The following ARHGAP10 variants were observed in gnomAD, a reference collection of about 807,000 sequenced individuals.
ARHGAP10 encodes Rho GTPase activating protein 10, also known as rho GTPase-activating protein 10.
ARHGAP10 carries 87 observed loss-of-function variants against 108.6 expected under a neutral mutation model. That is an observed-to-expected ratio of 0.80 (90% CI 0.67 to 0.96). The LOEUF (loss-of-function observed/expected upper bound fraction) is 0.96, where lower values mean the gene tolerates loss of function less well. Ranked by LOEUF, ARHGAP10 falls within the 40% of genes least tolerant of loss-of-function variation. ARHGAP10 has a pLI of 0.00. For missense variants in ARHGAP10, 939 were observed against 954.5 expected, an observed-to-expected ratio of 0.98 and a Z score of 0.21; for synonymous variants, 347 against 341.1, an observed-to-expected ratio of 1.02 and a Z score of -0.19.
intron 19 of ARHGAP10, among the ~76,000 whole-genome samples, chr4:148,026,637 A>T (rs1727869308): frequency 6.6e-6 from 1 of 152,178 alleles, no homozygotes; most frequent in Admixed American, 6.5e-5. Flanking sequence ...ACTAAAATGG[A>T]TATAGTATCT....
In ARHGAP10 at chr4:147,758,929, A is replaced by C. The variant is rs1279495248; in HGVS notation, c.154+26474A>C. ...GGGAGGAGGAGGTTGCGGTGAGCAG[A>C]GATCGTGCCACTGCACTCCGGTCTG... On this transcript the variant is annotated intron_variant, in intron 1 of 22. Transcript: ENST00000336498. Among the ~76,000 whole-genome samples the C allele has an allele frequency of 8.0e-5, 12 of 149,642 alleles. No homozygotes were observed. The Admixed American group carries it at 8.1e-4, about 10-fold the overall frequency.
chr4:147,886,466 T>A (rs1335898046), intron 10 of ARHGAP10, among the ~76,000 whole-genome samples: 2 of 152,222 alleles, frequency 1.3e-5, no homozygotes. Context: ...TCTTTCCTAA[T>A]AAGTACCCTT....
intron 1 of ARHGAP10, among the ~76,000 whole-genome samples, chr4:147,788,978 G>A (rs535922208): frequency 1.2e-4 from 19 of 152,244 alleles, no homozygotes; most frequent in South Asian, 1.2e-3. Flanking sequence ...AAACTTATCC[G>A]GTTCTTGCAG....
At chr4:147,814,434 A>G (rs1458048717) in intron 1 of ARHGAP10, among the ~76,000 whole-genome samples, 1 of 152,172 alleles carries the variant, frequency 6.6e-6, no homozygotes, top group African/African-American at 2.4e-5. Flanking sequence ...TTGTTACTCC[A>G]ATGGCAGAGG....
chr4:147,932,145 T>C (rs1182158252), intron 13 of ARHGAP10, among the ~76,000 whole-genome samples: 1 of 152,148 alleles, frequency 6.6e-6, no homozygotes, highest in Non-Finnish European at 1.5e-5. Context: ...GAATGGCTAT[T>C]ATTAAAAAGT....
chr4:147,739,150 G>A (rs917636820), intron 1 of ARHGAP10, among the ~76,000 whole-genome samples: 3 of 146,176 alleles, frequency 2.1e-5, no homozygotes, highest in African/African-American at 7.8e-5. Context: ...TCACGCCATT[G>A]CACTCCAGCC....
At chr4:147,969,051 A>G (rs1201830128) in intron 18 of ARHGAP10, among the ~76,000 whole-genome samples, 1 of 152,216 alleles carries the variant, frequency 6.6e-6, no homozygotes, top group African/African-American at 2.4e-5. Flanking sequence ...ATTAGGTGTT[A>G]ATACTTATGG....
At chr4:147,754,939 G>T (rs1281428421) in intron 1 of ARHGAP10, among the ~76,000 whole-genome samples, 1 of 151,888 alleles carries the variant, frequency 6.6e-6, no homozygotes, top group Non-Finnish European at 1.5e-5. Context: ...ACTAAAAAAT[G>T]CAAAAATTAG....
chr4:147,765,839 G>A (rs978995889), intron 1 of ARHGAP10, among the ~76,000 whole-genome samples: 5 of 152,064 alleles, frequency 3.3e-5, no homozygotes, highest in Non-Finnish European at 7.4e-5. Flanking sequence ...AGTATCTGAA[G>A]TCAGAATTCT....
At chr4:147,917,194 G>A (rs1010959080) in intron 13 of ARHGAP10, 1 of 152,016 alleles carries the variant, frequency 6.6e-6, no homozygotes, top group Non-Finnish European at 1.5e-5. Flanking sequence ...TTCCCCAGCT[G>A]GTAATTGGGC....
intron 1 of ARHGAP10, among the ~76,000 whole-genome samples, chr4:147,773,518 A>G (rs1296070691): frequency 1.3e-5 from 2 of 152,230 alleles, no homozygotes; most frequent in Admixed American, 6.5e-5. Flanking sequence ...ATCTATTAGA[A>G]ATCAACTCGA....
intron 15 of ARHGAP10, among the ~76,000 whole-genome samples, chr4:147,948,591 ATGCTG>A (rs1231577156): frequency 2.6e-5 from 4 of 152,126 alleles, no homozygotes; most frequent in South Asian, 4.1e-4. Context: ...TTCTTTAGCC[ATGCTG>A]TGTCCTGTAG....
intron 9 of ARHGAP10, among the ~76,000 whole-genome samples, chr4:147,880,232 T>A (rs1054068115): frequency 1.4e-4 from 22 of 152,326 alleles, no homozygotes; most frequent in African/African-American, 5.3e-4. Flanking sequence ...AGCAGCTTAA[T>A]TCATTGCTTA....
At chr4:148,052,937 G>A (rs1468516731) in intron 20 of ARHGAP10, among the ~76,000 whole-genome samples, 1 of 152,152 alleles carries the variant, frequency 6.6e-6, no homozygotes, top group African/African-American at 2.4e-5. Context: ...AGAACCTTTG[G>A]CTTTAGCAGA....
intron 13 of ARHGAP10, among the ~76,000 whole-genome samples, chr4:147,923,653 T>A (rs1363572928): frequency 1.3e-5 from 2 of 152,222 alleles, no homozygotes; most frequent in Admixed American, 6.5e-5. Context: ...CATACAAGAT[T>A]TGACAATCTT....
intron 15 of ARHGAP10, among the ~76,000 whole-genome samples, chr4:147,951,284 G>A (rs1207142289): frequency 6.6e-6 from 1 of 151,044 alleles, no homozygotes; most frequent in South Asian, 2.1e-4. Context: ...TTCCTTCTCT[G>A]CTAGATAACC....
intron 18 of ARHGAP10, among the ~76,000 whole-genome samples, chr4:147,982,469 C>T (rs1363476167): frequency 6.7e-6 from 1 of 148,732 alleles, no homozygotes. Flanking sequence ...TCCTCCCAGG[C>T]TCAGACAACC....
chr4:147,777,460 A>G (rs1730347247), intron 1 of ARHGAP10, among the ~76,000 whole-genome samples: 2 of 151,762 alleles, frequency 1.3e-5, no homozygotes, highest in Admixed American at 6.6e-5. Context: ...ATGGGGTTTC[A>G]CTGTGTTAGC....
intron 3 of ARHGAP10, among the ~76,000 whole-genome samples, chr4:147,839,981 AT>A (rs1733345355): frequency 6.6e-6 from 1 of 152,198 alleles, no homozygotes; most frequent in Non-Finnish European, 1.5e-5. Flanking sequence ...TTGTAGCATG[AT>A]TCTCAAAACT....
Sources: allele counts gnomAD v4.1 joint callset (sites outside exome capture counted in the v4.1 genomes callset), GRCh38; gene constraint gnomAD v4.1.1; transcripts MANE v1.5; gene names NCBI Gene and HGNC (gene_info 2026-07-23, HGNC 2026-07-21).